The following PDGFC variants were observed in gnomAD, a reference collection of about 807,000 sequenced individuals.
The protein encoded by PDGFC is platelet-derived growth factor C.
In PDGFC, 12 loss-of-function variants were observed where a neutral mutation model predicts 35.5. That is an observed-to-expected ratio of 0.34 (90% CI 0.22 to 0.55). The LOEUF (loss-of-function observed/expected upper bound fraction) is 0.55. PDGFC is among the 20% of genes least tolerant of loss of function. The pLI, the probability that PDGFC is intolerant of heterozygous loss-of-function variation, is 0.91. For missense variants in PDGFC, 322 were observed against 412.4 expected, an observed-to-expected ratio of 0.78 and a Z score of 1.90; for synonymous variants, 159 against 148.8, an observed-to-expected ratio of 1.07 and a Z score of -0.50.
At chr4:156,878,684 G>A (rs190202506) in intron 1 of PDGFC, among the ~76,000 whole-genome samples, 21 of 152,054 alleles carry the variant, frequency 1.4e-4, no homozygotes, top group African/African-American at 5.1e-4. Flanking sequence ...TGAGCTTCAT[G>A]TTGACACTCA....
At chr4:156,784,741 C>T (rs944068952) in intron 3 of PDGFC, among the ~76,000 whole-genome samples, 4 of 151,980 alleles carry the variant, frequency 2.6e-5, no homozygotes, top group Admixed American at 6.6e-5. Flanking sequence ...TAGATCAAGA[C>T]GGGGCAAAAA....
intron 1 of PDGFC, among the ~76,000 whole-genome samples, chr4:156,860,197 A>G (rs927586004): frequency 2.0e-5 from 3 of 152,162 alleles, no homozygotes; most frequent in Non-Finnish European, 2.9e-5. Flanking sequence ...TTCCTTCAAC[A>G]TTATTGAAAA....
intron 2 of PDGFC, among the ~76,000 whole-genome samples, chr4:156,828,747 C>T (rs1032054885): frequency 8.5e-5 from 13 of 152,054 alleles, no homozygotes; most frequent in Non-Finnish European, 1.8e-4. Flanking sequence ...ACATCACTTT[C>T]ATTTATATAT....
At chr4:156,822,356 CAAAAAAA>C (rs397878245) in intron 2 of PDGFC, among the ~76,000 whole-genome samples, 14 of 70,298 alleles carry the variant, frequency 2.0e-4, no homozygotes, top group African/African-American at 5.3e-4. Context: ...GAAACTGTCT[CAAAAAAA>C]AAAAAAAAAA....
chr4:156,798,590 A>G (rs145369648), intron 3 of PDGFC, among the ~76,000 whole-genome samples: 1 of 152,314 alleles, frequency 6.6e-6, no homozygotes, highest in Non-Finnish European at 1.5e-5. Flanking sequence ...ACCACAAAAC[A>G]TCACTCATCA....
At chr4:156,905,442 GC>G (rs1730893071) in intron 1 of PDGFC, among the ~76,000 whole-genome samples, 1 of 151,790 alleles carries the variant, frequency 6.6e-6, no homozygotes, top group African/African-American at 2.4e-5. Flanking sequence ...TGAGATAGTT[GC>G]CCATAATGTG....
chr4:156,948,403 T>A (rs1731997833), intron 1 of PDGFC, among the ~76,000 whole-genome samples: 2 of 151,880 alleles, frequency 1.3e-5, no homozygotes, highest in African/African-American at 4.8e-5. Context: ...TTTGACTATA[T>A]CCACATCGAG....
rs150533626 is a variant in PDGFC, at chr4:156,893,148, T to C, written c.119-42732A>G. Among the ~76,000 whole-genome samples the C allele has an allele frequency of 1.6e-3, 249 of 152,242 alleles. 1 individual carries two copies. The highest frequency in any genetic ancestry group is 5.3e-3 in the African/African-American group (220 of 41,526). ...GTCATAATTCTTTTTAAATTTTCTG[T>C]GAGTCACCAAGAGAATTTTAATGAA... On this transcript the variant is annotated intron_variant, in intron 1 of 5. Transcript: ENST00000502773.
intron 1 of PDGFC, among the ~76,000 whole-genome samples, chr4:156,912,137 T>C (rs909725929): frequency 6.6e-5 from 10 of 152,080 alleles, no homozygotes; most frequent in Non-Finnish European, 1.2e-4. Context: ...GGAAAAAATA[T>C]TCTAGTACAA....
intron 1 of PDGFC, among the ~76,000 whole-genome samples, chr4:156,915,067 CA>C: frequency 6.6e-6 from 1 of 152,080 alleles, no homozygotes; most frequent in East Asian, 1.9e-4. Context: ...CACACACACA[CA>C]AAAAAATGGC....
At chr4:156,802,946 T>C (rs1239682555) in intron 3 of PDGFC, among the ~76,000 whole-genome samples, 3 of 152,160 alleles carry the variant, frequency 2.0e-5, no homozygotes, top group Non-Finnish European at 2.9e-5. Context: ...AGTATATTCA[T>C]GGAAGTTTTA....
chr4:156,906,803 C>T (rs896921854), intron 1 of PDGFC, among the ~76,000 whole-genome samples: 5 of 152,084 alleles, frequency 3.3e-5, no homozygotes, highest in South Asian at 2.1e-4. Context: ...GTTAATCATA[C>T]GTTTCCCTTA....
intron 1 of PDGFC, among the ~76,000 whole-genome samples, chr4:156,912,674 T>A (rs1404501483): frequency 6.6e-6 from 1 of 151,912 alleles, no homozygotes; most frequent in African/African-American, 2.4e-5. Context: ...TAAATACAAT[T>A]TAAATAAAAT....
chr4:156,892,623 A>T (rs1439225138), intron 1 of PDGFC, among the ~76,000 whole-genome samples: 1 of 152,202 alleles, frequency 6.6e-6, no homozygotes, highest in Non-Finnish European at 1.5e-5. Flanking sequence ...AAGTTAGAGA[A>T]AACAAAACTA....
At chr4:156,841,413 C>T (rs1729201571) in intron 2 of PDGFC, 1 of 156,348 alleles carries the variant, frequency 6.4e-6, no homozygotes, top group Non-Finnish European at 1.4e-5. Context: ...CCCCTTCCAC[C>T]ATGATTGTAA....
chr4:156,896,164 T>C (rs1225282562), intron 1 of PDGFC, among the ~76,000 whole-genome samples: 2 of 152,136 alleles, frequency 1.3e-5, no homozygotes, highest in Non-Finnish European at 2.9e-5. Context: ...TTCAGAAACA[T>C]ATAGAGTATA....
chr4:156,794,130 G>A (rs1017548448), intron 3 of PDGFC, among the ~76,000 whole-genome samples: 33 of 152,118 alleles, frequency 2.2e-4, no homozygotes, highest in Non-Finnish European at 1.5e-5. Flanking sequence ...AAATAAACCT[G>A]AGATAACTTT....
chr4:156,763,226 A>T lies in PDGFC; in HGVS notation c.922-20T>A. The T allele has an allele frequency of 1.6e-6, 2 of 1,264,688 alleles. No individual in the cohort carries two copies. The highest frequency in any genetic ancestry group is 2.3e-6 in the Non-Finnish European group (2 of 860,820). The allele number at this position is 1,264,688 out of a possible 1,614,324, so 78.3% of individuals were successfully genotyped here. On this transcript the variant is annotated intron_variant, in intron 5 of 5. Transcript: ENST00000502773. ...AAGGACCTGAAAGGGAATAAGAGTA[A>T]GCCACTTTTAAAAATCAACGAATGT...
chr4:156,875,159 G>A (rs752537139), intron 1 of PDGFC, among the ~76,000 whole-genome samples: 1 of 152,164 alleles, frequency 6.6e-6, no homozygotes, highest in Non-Finnish European at 1.5e-5. Flanking sequence ...AAACAGAGAT[G>A]GCAGCTGTTA....
Sources: gnomAD v4.1 joint callset for allele counts (sites outside exome capture counted in the v4.1 genomes callset) on GRCh38, gnomAD v4.1.1 for gene constraint, MANE v1.5 for transcripts, NCBI Gene and HGNC (gene_info 2026-07-23, HGNC 2026-07-21) for gene names.